The following CYP4F3 variants were observed in gnomAD, a reference collection of about 807,000 sequenced individuals.
CYP4F3 encodes the protein cytochrome P450 family 4 subfamily F member 3.
CYP4F3 carries 50 observed loss-of-function variants against 54.8 expected under a neutral mutation model. The ratio of observed to expected loss-of-function variants is 0.91; its 90% confidence interval spans 0.73 to 1.16. The LOEUF is 1.16. CYP4F3 is among the 50% of genes most tolerant of loss of function. The pLI is 0.00. For synonymous variants in CYP4F3, 244 were observed against 262.6 expected (o/e 0.93, Z 0.69); for missense variants, 715 against 676.2 (o/e 1.06, Z -0.64).
rs116905294 is a variant in CYP4F3, at chr19:15,658,886, G to A, written c.1397+77G>A. ...TGGGCATGACAGTGGGGAAAAGGGG[G>A]ACATTGTAGACGGTCCGAGTTCCAG... On this transcript the variant is annotated intron_variant, in intron 12 of 12. Coordinates refer to ENST00000221307, the MANE Select transcript of CYP4F3 (RefSeq NM_000896.3). The A allele has an allele frequency of 2.0e-5, 30 of 1,533,088 alleles. No individual in the cohort carries two copies. The East Asian group carries it at 6.3e-4, about 32-fold the overall frequency. The allele number at this position is 1,533,088 out of a possible 1,614,324, so 95.0% of individuals were successfully genotyped here.
At chr19:15,654,746 A>C (rs2733754) in intron 9 of CYP4F3, among the ~76,000 whole-genome samples, 101,089 of 152,156 alleles carry the variant, frequency 0.66, 34,140 homozygotes, top group East Asian at 0.82. Context: ...TTTTCTTTAT[A>C]CATTCATCTA....
chr19:15,653,632 G>A (rs923779389), intron 9 of CYP4F3, among the ~76,000 whole-genome samples: 5 of 152,084 alleles, frequency 3.3e-5, no homozygotes, highest in Non-Finnish European at 7.4e-5. Flanking sequence ...AAGTGTCTCA[G>A]TTGAAAGCCT....
chr19:15,655,585 A>G (rs1291959486), intron 9 of CYP4F3, among the ~76,000 whole-genome samples: 1 of 152,244 alleles, frequency 6.6e-6, no homozygotes, highest in African/African-American at 2.4e-5. Context: ...TTCTCTGTGT[A>G]TTCTTCTAGA....
rs1973184613 is a variant in CYP4F3 at position 15,661,530 on chromosome 19, G to A, written c.*2145G>A. On this transcript the variant is annotated 3_prime_UTR_variant, in exon 13 of 13. Coordinates refer to ENST00000221307, the MANE Select transcript of CYP4F3 (RefSeq NM_000896.3). The stretch of plus-strand genomic sequence containing the variant: ...GGTGTTGAACCACTCGTGCCTTCCT[G>A]TGCCTATTTGACACTCCTATATTTT... 6.6e-6 allele frequency: 1 copy of A among 152,142 alleles called. No homozygotes were observed. The highest frequency in any genetic ancestry group is 6.5e-5 in the Admixed American group (1 of 15,280). The allele number at this position is 152,142 out of a possible 1,614,324, so 9.4% of individuals were successfully genotyped here. A position where few individuals can be genotyped will look rare whatever the true frequency, so the allele number is the denominator to read the frequency against.
At chr19:15,652,976 G>A in intron 9 of CYP4F3, 24 bp downstream of exon 9, 1 of 1,585,608 alleles carries the variant, frequency 6.3e-7, no homozygotes, top group African/African-American at 1.4e-5. Context: ...CTGGTGCCCT[G>A]TTCCTGAGCC....
intron 2 of CYP4F3, among the ~76,000 whole-genome samples, chr19:15,643,227 T>G (rs1288337107): frequency 6.8e-6 from 1 of 146,794 alleles, no homozygotes; most frequent in Non-Finnish European, 1.5e-5. Context: ...ATAGGATAGA[T>G]GAATGGATAG....
Position 15,662,420 on chromosome 19 carries a change from C to A in CYP4F3, c.*3035C>A, listed in dbSNP as rs1364652345. The A allele has an allele frequency of 6.6e-6, 1 of 151,964 alleles. No individual in the cohort carries two copies. The highest frequency in any genetic ancestry group is 1.5e-5 in the Non-Finnish European group (1 of 68,026). 9.4% of individuals were successfully genotyped at this position (151,964 alleles called of 1,614,324 possible). A position where few individuals can be genotyped will look rare whatever the true frequency, so the allele number is the denominator to read the frequency against. On this transcript the variant is annotated 3_prime_UTR_variant, in exon 13 of 13. Transcript: ENST00000221307. ...ATTTTCTATTCTATTCCATGTTGGACCAATACCACACTGCCCTAGTCACTG... is the reference window on the plus strand; with the variant it reads ...ATTTTCTATTCTATTCCATGTTGGAACAATACCACACTGCCCTAGTCACTG...
Position 15,646,920 on chromosome 19 carries a change from C to T in CYP4F3, c.344-132C>T, listed in dbSNP as rs1054492818. Reference sequence around the variant, plus strand: ...TCCCCCATCCTGCCTTCTTCCTCTCCCCTTGACCCTCTTCTTGCTATGTGG... The same window carrying T: ...TCCCCCATCCTGCCTTCTTCCTCTCTCCTTGACCCTCTTCTTGCTATGTGG... On this transcript the variant is annotated intron_variant, in intron 3 of 12. Coordinates refer to ENST00000221307, the MANE Select transcript of CYP4F3 (RefSeq NM_000896.3). 1.2e-5 allele frequency: 16 copies of T among 1,339,336 alleles called. No individual in the cohort carries two copies. In the African/African-American group the frequency reaches 2.3e-4, roughly 20 times the overall value. The allele number at this position is 1,339,336 out of a possible 1,614,324, so 83.0% of individuals were successfully genotyped here.
intron 9 of CYP4F3, among the ~76,000 whole-genome samples, chr19:15,656,505 CT>C (rs1568402234): frequency 8.3e-5 from 5 of 59,930 alleles, no homozygotes; most frequent in African/African-American, 4.7e-4. Flanking sequence ...ATCTATCTAT[CT>C]ATCTATCTAT....
intron 9 of CYP4F3, among the ~76,000 whole-genome samples, chr19:15,654,645 A>G (rs1023839527): frequency 1.3e-5 from 2 of 152,356 alleles, no homozygotes; most frequent in East Asian, 3.9e-4. Flanking sequence ...ACTTACCACA[A>G]TGACCTCCAG....
chr19:15,653,734 AG>A (rs1488421891), intron 9 of CYP4F3, among the ~76,000 whole-genome samples: 3 of 95,364 alleles, frequency 3.1e-5, no homozygotes, highest in East Asian at 6.2e-4. Flanking sequence ...GAAGAGAGAG[AG>A]GAGAGAGAGA....
Position 15,641,406 on chromosome 19 carries a change from G to C in CYP4F3, c.-1-9G>C, listed in dbSNP as rs1351495136. The C allele has an allele frequency of 1.2e-6, 2 of 1,613,790 alleles. No homozygotes were observed. Among genetic ancestry groups the C allele is most frequent in the African/African-American group, 1.3e-5 (1 of 74,916 alleles). On this transcript the variant is annotated splice_polypyrimidine_tract_variant and intron_variant, in intron 1 of 12. Transcript: ENST00000221307. ...CAGGACCTCACTCACCACCCCATCTGCCCTGCAGGATGCCACAGCTGAGCC... is the reference window on the plus strand; with the variant it reads ...CAGGACCTCACTCACCACCCCATCTCCCCTGCAGGATGCCACAGCTGAGCC...
Position 15,660,412 on chromosome 19 carries a change from C to T in CYP4F3, c.*1027C>T, listed in dbSNP as rs1973156258. 6.6e-6 allele frequency: 1 copy of T among 152,092 alleles called. No individual in the cohort carries two copies. The highest frequency in any genetic ancestry group is 2.1e-4 in the South Asian group (1 of 4,816). The allele number at this position is 152,092 out of a possible 1,614,324, so 9.4% of individuals were successfully genotyped here. The stretch of plus-strand genomic sequence containing the variant: ...CTAGAACAGGCATGCCCTGCAAACT[C>T]CACAGACACTGACTGTTTTTGTCCT... On this transcript the variant is annotated 3_prime_UTR_variant, in exon 13 of 13. Transcript: ENST00000221307.
At chr19:15,646,802 C>G (rs574500316) in intron 3 of CYP4F3, among the ~76,000 whole-genome samples, 2 of 152,262 alleles carry the variant, frequency 1.3e-5, no homozygotes, top group East Asian at 3.9e-4. Flanking sequence ...CATGTCAAGG[C>G]ATGCTGGAGC....
chr19:15,652,930 C>T lies in CYP4F3; in HGVS notation c.1093C>T (p.Arg365Cys), dbSNP rs753746588. Residue 365 changes from arginine (R) to cysteine (C), a missense_variant, in exon 9 of 13, where the codon CGT becomes TGT. Transcript: ENST00000221307. ...RQEVQELLKD[R>C]EPKEIEWDDL... ...GGAGGTGCAAGAGCTTCTGAAGGAC[C>T]GTGAGCCTAAAGAGATTGAATGGTG... is the stretch of plus-strand genomic sequence containing the variant. 10 of 1,611,016 alleles carry T rather than the reference C, an allele frequency of 6.2e-6. No individual in the cohort carries two copies. The highest frequency in any genetic ancestry group is 2.7e-5 in the African/African-American group (2 of 74,954).
At chr19:15,647,148 G>T in intron 4 of CYP4F3, 43 bp downstream of exon 4, 1 of 1,613,780 alleles carries the variant, frequency 6.2e-7, no homozygotes, top group East Asian at 2.2e-5. Flanking sequence ...AACCTGGGGG[G>T]CCAGGGGAGG....
chr19:15,659,253 G>A lies in CYP4F3; in HGVS notation c.1431G>A (p.Glu477=), dbSNP rs777494181. 1.9e-5 allele frequency: 30 copies of A among 1,612,514 alleles called. No individual in the cohort carries two copies. The South Asian group carries it at 3.2e-4, about 17-fold the overall frequency. Residue 477 remains glutamate, a synonymous_variant, in exon 13 of 13, where the codon GAG becomes GAA. Transcript: ENST00000221307. ...TCGGGCAGGCGTTCGCGATGGCGGA[G>A]ATGAAGGTGGTCCTGGGGCTCACGC... is the stretch of plus-strand genomic sequence containing the variant. ...NCIGQAFAMA[E]MKVVLGLTLL...
Position 15,645,810 on chromosome 19 carries a change from C to T in CYP4F3, c.290C>T (p.Ala97Val). Residue 97 changes from alanine to valine, a missense_variant, in exon 3 of 13, where the codon GCA becomes GTA. Transcript: ENST00000221307. Reference protein sequence around the residue: ...MCCWWVGPWHAIVRIFHPTYI... With the variant: ...MCCWWVGPWHVIVRIFHPTYI... ...TGCTGGTGGGTGGGGCCCTGGCACG[C>T]AATCGTCCGCATCTTCCACCCCACC... is the stretch of plus-strand genomic sequence containing the variant. 1 of 1,614,090 alleles carries T rather than the reference C, an allele frequency of 6.2e-7. No homozygotes were observed. Among genetic ancestry groups the T allele is most frequent in the Non-Finnish European group, 8.5e-7 (1 of 1,179,964 alleles).
chr19:15,641,335 C>T (rs1972455336), intron 1 of CYP4F3, 80 bp from the exon 2 acceptor site: 5 of 1,535,328 alleles, frequency 3.3e-6, no homozygotes, highest in African/African-American at 1.4e-5. Flanking sequence ...CCCGTCTCTG[C>T]CTCTCTCCAC....
Sources: allele counts gnomAD v4.1 joint callset (sites outside exome capture counted in the v4.1 genomes callset), GRCh38; gene constraint gnomAD v4.1.1; transcripts MANE v1.5; gene names NCBI Gene and HGNC (gene_info 2026-07-23, HGNC 2026-07-21).